CNGA3: variants seen among roughly 807,000 people sequenced by gnomAD.
CNGA3 encodes the protein cyclic nucleotide gated channel subunit alpha 3.
CNGA3 carries 42 observed loss-of-function variants against 46.6 expected under a neutral mutation model. The ratio of observed to expected loss-of-function variants is 0.90; its 90% CI spans 0.70 to 1.17. The LOEUF (loss-of-function observed/expected upper bound fraction) is 1.17. Ranked by LOEUF, CNGA3 falls within the 50% of genes most tolerant of loss-of-function variation. The probability of loss-of-function intolerance (pLI) is 0.00; values close to 1 mark genes in which losing one functional copy is unlikely to be tolerated. For missense variants in CNGA3, 893 were observed against 890.7 expected (o/e 1.00, Z -0.03); for synonymous variants, 394 against 369.4 (o/e 1.07, Z -0.76).
intron 2 of CNGA3, among the ~76,000 whole-genome samples, chr2:98,373,747 G>A (rs1282878454): frequency 6.6e-6 from 1 of 152,140 alleles, no homozygotes; most frequent in African/African-American, 2.4e-5. Context: ...AATAGAAACA[G>A]GCTATTCTCT....
Position 98,370,771 on chromosome 2 carries a change from A to T in CNGA3, c.101+695A>T, listed in dbSNP as rs140722007. Among the ~76,000 whole-genome samples the T allele has an allele frequency of 6.2e-3, 945 of 152,330 alleles. 9 individuals carry two copies. The highest frequency in any genetic ancestry group is 0.021 in the African/African-American group (879 of 41,576). On this transcript the variant is annotated intron_variant, in intron 2 of 7. Transcript: ENST00000272602. ...AAGCTCCTGGTATAATAGTGAGGACACCCGAAGGGACCTATTTACTGTACA... is the reference window on the plus strand; with the variant it reads ...AAGCTCCTGGTATAATAGTGAGGACTCCCGAAGGGACCTATTTACTGTACA...
intron 6 of CNGA3, among the ~76,000 whole-genome samples, chr2:98,390,603 T>C (rs1215163204): frequency 6.6e-6 from 1 of 152,160 alleles, no homozygotes; most frequent in Non-Finnish European, 1.5e-5. Flanking sequence ...AGAGGGAACG[T>C]TCCTGAGCAC....
rs545308681 is a variant in CNGA3, at chr2:98,356,553, A to G, written c.-38+10019A>G. On this transcript the variant is annotated intron_variant, in intron 1 of 7. Coordinates refer to ENST00000272602, the MANE Select transcript of CNGA3 (RefSeq NM_001298.3). ...CCTGGCTGAATAGAGTCTCCTCCCC[A>G]AGGATGATGATCATTCAGAACGACT... Among the ~76,000 whole-genome samples the G allele has an allele frequency of 5.3e-5, 8 of 152,238 alleles. No individual in the cohort carries two copies. In the South Asian group the frequency reaches 1.7e-3, roughly 32 times the overall value.
chr2:98,382,950 C>T (rs1335224769), intron 4 of CNGA3, among the ~76,000 whole-genome samples: 7 of 152,164 alleles, frequency 4.6e-5, no homozygotes, highest in Admixed American at 3.9e-4. Context: ...CTGCAGGCTG[C>T]GTCCATCCTG....
chr2:98,380,170 T>C lies in CNGA3; in HGVS notation c.216-5T>C, dbSNP rs1204722429. On this transcript the variant is annotated splice_polypyrimidine_tract_variant and splice_region_variant and intron_variant, in intron 3 of 7. Transcript: ENST00000272602. ...CTCTGGCTCAGTGCTTGTGTCACCT[T>C]CCAGGCTGTCGCGCCTCATCTTCTT... is the stretch of plus-strand genomic sequence containing the variant. The C allele has an allele frequency of 1.9e-6, 3 of 1,613,938 alleles. No homozygotes were observed. The highest frequency in any genetic ancestry group is 2.5e-6 in the Non-Finnish European group (3 of 1,180,054).
chr2:98,394,924 G>A (rs1248458128), intron 7 of CNGA3, among the ~76,000 whole-genome samples: 1 of 152,112 alleles, frequency 6.6e-6, no homozygotes, highest in Non-Finnish European at 1.5e-5. Flanking sequence ...TAGATTCACT[G>A]AGCGCTAATC....
chr2:98,350,462 T>C lies in CNGA3; in HGVS notation c.-38+3928T>C, dbSNP rs1241438228. Among the ~76,000 whole-genome samples the C allele has an allele frequency of 3.9e-5, 6 of 152,376 alleles. No individual in the cohort carries two copies. The East Asian group carries it at 7.7e-4, about 20-fold the overall frequency. On this transcript the variant is annotated intron_variant, in intron 1 of 7. Transcript: ENST00000272602. ...CTTGCAATTAGGTTTGGAGCATCTATAGAGTTGGCTATGGAGAGCTCTGTT... is the reference window on the plus strand; with the variant it reads ...CTTGCAATTAGGTTTGGAGCATCTACAGAGTTGGCTATGGAGAGCTCTGTT...
intron 7 of CNGA3, among the ~76,000 whole-genome samples, chr2:98,392,657 C>T (rs1218139246): frequency 6.6e-6 from 1 of 151,978 alleles, no homozygotes; most frequent in Non-Finnish European, 1.5e-5. Context: ...CCAGCTCTCA[C>T]TACTCGACAC....
chr2:98,359,522 A>C (rs1111583), intron 1 of CNGA3, among the ~76,000 whole-genome samples: 68,595 of 152,052 alleles, frequency 0.45, 16,074 homozygotes, highest in Admixed American at 0.52. Flanking sequence ...ACCCTCCTAA[A>C]CTGGCAAATA....
intron 1 of CNGA3, among the ~76,000 whole-genome samples, chr2:98,368,770 A>AG (rs1002289806): frequency 2.6e-5 from 4 of 152,190 alleles, no homozygotes; most frequent in African/African-American, 7.2e-5. Flanking sequence ...TTTGTTGGGT[A>AG]GGGGGCCAGT....
chr2:98,376,818 C>T (rs764978043), intron 2 of CNGA3, among the ~76,000 whole-genome samples: 2 of 152,236 alleles, frequency 1.3e-5, no homozygotes, highest in Non-Finnish European at 2.9e-5. Context: ...GGCTTTTAAT[C>T]AGGCTGATCA....
At chr2:98,395,235 T>C (rs1692882846) in intron 7 of CNGA3, among the ~76,000 whole-genome samples, 1 of 152,026 alleles carries the variant, frequency 6.6e-6, no homozygotes, top group African/African-American at 2.4e-5. Flanking sequence ...AGTGGTGCGA[T>C]CTTGGCTCAT....
intron 5 of CNGA3, among the ~76,000 whole-genome samples, chr2:98,386,615 G>T (rs1245614038): frequency 1.3e-5 from 2 of 152,210 alleles, no homozygotes; most frequent in African/African-American, 4.8e-5. Context: ...TTTATTAGCA[G>T]CATGAGAACA....
chr2:98,395,765 G>A (rs1692896022), intron 7 of CNGA3, 79 bp from the exon 8 acceptor site: 3 of 1,188,512 alleles, frequency 2.5e-6, no homozygotes, highest in Non-Finnish European at 3.8e-6. Flanking sequence ...GTAGCCGTGA[G>A]GTAAAATATG....
intron 7 of CNGA3, among the ~76,000 whole-genome samples, chr2:98,393,744 C>A (rs1209899987): frequency 1.3e-5 from 2 of 152,074 alleles, no homozygotes; most frequent in Non-Finnish European, 2.9e-5. Context: ...GTACCCTAAG[C>A]AACCAAGATT....
rs1366113401 is a variant in CNGA3, at chr2:98,377,683, C to T, written c.102-4C>T. The T allele has an allele frequency of 6.2e-7, 1 of 1,612,248 alleles. No homozygotes were observed. Among genetic ancestry groups the T allele is most frequent in the East Asian group, 2.2e-5 (1 of 44,864 alleles). ...TTCTGCTTGCTGCATATCTGATTTCCTAGAGCCCACTCGTCAAGTGAGGAG... is the reference window on the plus strand; with the variant it reads ...TTCTGCTTGCTGCATATCTGATTTCTTAGAGCCCACTCGTCAAGTGAGGAG... On this transcript the variant is annotated splice_polypyrimidine_tract_variant and splice_region_variant and intron_variant, in intron 2 of 7. Coordinates refer to ENST00000272602, the MANE Select transcript of CNGA3 (RefSeq NM_001298.3).
chr2:98,378,141 A>G (rs1477648620), intron 3 of CNGA3: 1 of 1,550,706 alleles, frequency 6.4e-7, no homozygotes, highest in Non-Finnish European at 8.7e-7. Context: ...GGGTGGACAC[A>G]GTGGTGTGCT....
intron 1 of CNGA3, among the ~76,000 whole-genome samples, chr2:98,367,171 T>A (rs12472387): frequency 0.28 from 23,271 of 82,470 alleles, 3,030 homozygotes; most frequent in Middle Eastern, 0.32. Flanking sequence ...TCAGCTGTTT[T>A]TTTTCTTTTT....
At chr2:98,378,640 T>C (rs1692468438) in intron 3 of CNGA3, among the ~76,000 whole-genome samples, 1 of 152,238 alleles carries the variant, frequency 6.6e-6, no homozygotes, top group East Asian at 1.9e-4. Flanking sequence ...GCTGGGCATG[T>C]AAGTGATGTT....
Sources: allele counts gnomAD v4.1 joint callset (sites outside exome capture counted in the v4.1 genomes callset), GRCh38; gene constraint gnomAD v4.1.1; transcripts MANE v1.5; gene names NCBI Gene and HGNC (gene_info 2026-07-23, HGNC 2026-07-21).